The following CPO variants were observed in gnomAD, a reference collection of about 807,000 sequenced individuals.
CPO encodes metallocarboxypeptidase C.
Under a neutral mutation model 41.2 loss-of-function variants are expected in CPO, and 43 were observed. The observed-to-expected ratio is 1.04, with a 90% CI of 0.82 to 1.35. The LOEUF is 1.35. Ranked by LOEUF, CPO falls within the 40% of genes most tolerant of loss-of-function variation. The pLI is 0.00. For missense variants in CPO, 408 were observed against 451.7 expected (o/e 0.90, Z 0.88); for synonymous variants, 178 against 162.7 (o/e 1.09, Z -0.72).
At chr2:206,958,113 GGA>G (rs1693405848) in intron 3 of CPO, among the ~76,000 whole-genome samples, 186 bp from the exon 4 acceptor site, 1 of 152,184 alleles carries the variant, frequency 6.6e-6, no homozygotes, top group South Asian at 2.1e-4. Context: ...GTAACTGGCA[GGA>G]GAACAAGAGT....
intron 6 of CPO, among the ~76,000 whole-genome samples, chr2:206,961,217 TA>T (rs1459843786): frequency 6.6e-6 from 1 of 152,194 alleles, no homozygotes. Flanking sequence ...CCTTTGTTTT[TA>T]AATATATGAA....
intron 2 of CPO, among the ~76,000 whole-genome samples, chr2:206,951,647 A>T (rs1049879076): frequency 3.9e-5 from 6 of 152,240 alleles, no homozygotes; most frequent in Non-Finnish European, 8.8e-5. Context: ...GCCCATGGAC[A>T]CTTTATGACC....
At chr2:206,956,885 G>C (rs558683913) in intron 3 of CPO, among the ~76,000 whole-genome samples, 3 of 152,308 alleles carry the variant, frequency 2.0e-5, no homozygotes, top group South Asian at 4.1e-4. Context: ...ACTGGTTGAT[G>C]TATTAAGCAT....
At chr2:206,943,812 A>G (rs7597901) in intron 1 of CPO, among the ~76,000 whole-genome samples, 18,194 of 148,114 alleles carry the variant, frequency 0.12, 1,459 homozygotes, top group Middle Eastern at 0.26. Context: ...CATGATATAG[A>G]TATCAGGTTT....
chr2:206,951,330 T>C (rs529881603), intron 2 of CPO, among the ~76,000 whole-genome samples: 1 of 152,348 alleles, frequency 6.6e-6, no homozygotes, highest in African/African-American at 2.4e-5. Flanking sequence ...CAAAATTGGA[T>C]ACAGTGAAAA....
intron 2 of CPO, among the ~76,000 whole-genome samples, chr2:206,950,711 G>A (rs79979003): frequency 0.31 from 46,705 of 152,066 alleles, 8,277 homozygotes; most frequent in Non-Finnish European, 0.4. Flanking sequence ...TTAAGAAAAT[G>A]TGGCACATAT....
chr2:206,959,018 G>A (rs562713488), intron 4 of CPO, among the ~76,000 whole-genome samples: 1 of 152,152 alleles, frequency 6.6e-6, no homozygotes, highest in East Asian at 1.9e-4. Flanking sequence ...TGGGATTACA[G>A]GCATGAGCCA....
intron 1 of CPO, among the ~76,000 whole-genome samples, chr2:206,942,716 A>G (rs1201640960): frequency 1.3e-5 from 2 of 152,154 alleles, no homozygotes; most frequent in African/African-American, 2.4e-5. Flanking sequence ...GAGACTGGTG[A>G]TAATTTGGGA....
intron 2 of CPO, among the ~76,000 whole-genome samples, chr2:206,954,323 C>A (rs947399197): frequency 6.6e-6 from 1 of 152,114 alleles, no homozygotes; most frequent in African/African-American, 2.4e-5. Flanking sequence ...TCCAGATACC[C>A]TAAATTATCT....
At chr2:206,944,551 T>C (rs1464600595) in intron 1 of CPO, among the ~76,000 whole-genome samples, 1 of 152,098 alleles carries the variant, frequency 6.6e-6, no homozygotes, top group African/African-American at 2.4e-5. Context: ...TTTAATCTTC[T>C]TTTAAAATTC....
intron 6 of CPO, among the ~76,000 whole-genome samples, 176 bp downstream of exon 6, chr2:206,961,118 A>G (rs578161269): frequency 1.3e-5 from 2 of 152,352 alleles, no homozygotes; most frequent in East Asian, 3.9e-4. Context: ...AGTAAGAGCT[A>G]TCAGCATTCA....
At chr2:206,951,407 AT>A (rs2105822444) in intron 2 of CPO, among the ~76,000 whole-genome samples, 1 of 152,310 alleles carries the variant, frequency 6.6e-6, no homozygotes, top group African/African-American at 2.4e-5. Flanking sequence ...TGAGGTATAA[AT>A]TTCTAAAAAT....
chr2:206,955,433 G>T, intron 2 of CPO, 30 bp from the exon 3 acceptor site: 1 of 1,289,866 alleles, frequency 7.8e-7, no homozygotes, highest in Middle Eastern at 1.9e-4. Flanking sequence ...TCTTCCTACT[G>T]ATAGCCACAG....
chr2:206,959,099 G>C (rs1693430687), intron 4 of CPO, among the ~76,000 whole-genome samples: 1 of 152,194 alleles, frequency 6.6e-6, no homozygotes, highest in Non-Finnish European at 1.5e-5. Flanking sequence ...TGGGTCTGTA[G>C]TGTGGATTAA....
chr2:206,967,312 G>T (rs1693591613), intron 7 of CPO, among the ~76,000 whole-genome samples: 2 of 149,778 alleles, frequency 1.3e-5, no homozygotes, highest in Admixed American at 6.7e-5. Context: ...GGATGGGTAT[G>T]ACTTCCAGCT....
intron 1 of CPO, among the ~76,000 whole-genome samples, chr2:206,941,029 T>C (rs1693019527): frequency 6.6e-6 from 1 of 152,112 alleles, no homozygotes; most frequent in South Asian, 2.1e-4. Flanking sequence ...TGAAGACTCT[T>C]ACATATTTTA....
chr2:206,947,406 A>G (rs772424978), intron 1 of CPO, among the ~76,000 whole-genome samples: 6 of 152,216 alleles, frequency 3.9e-5, no homozygotes, highest in Non-Finnish European at 5.9e-5. Flanking sequence ...TTAATTCAAA[A>G]TGTATCATAG....
Position 206,939,710 on chromosome 2 carries a change from AT to A in CPO, c.68+45del. 6 of 1,537,960 alleles carry A rather than the reference AT, an allele frequency of 3.9e-6. No individual in the cohort carries two copies. In the African/African-American group the frequency reaches 6.8e-5, roughly 18 times the overall value. Reference sequence around the variant, plus strand: ...AGAGGAACTGATTATTATAATTTAGATTGTCTAAATTGAATGGTTTCTTTTT... The same window carrying A: ...AGAGGAACTGATTATTATAATTTAGATGTCTAAATTGAATGGTTTCTTTTT... On this transcript the variant is annotated intron_variant, in intron 1 of 8. Transcript: ENST00000272852.
In CPO at chr2:206,962,412, G is replaced by A. The variant is rs1185323830; in HGVS notation, c.575G>A (p.Ser192Asn). The A allele has an allele frequency of 6.2e-7, 1 of 1,613,482 alleles. No homozygotes were observed. Among genetic ancestry groups the A allele is most frequent in the Admixed American group, 1.7e-5 (1 of 60,008 alleles). The part of the protein sequence containing the change: ...LNRNFNASWC[S>N]IGASRNCQDQ... ...CTTTGTGGTTTCTTCCATATTCTAG[G>A]TATTGGTGCCTCTAGAAACTGCCAA... Residue 192 changes from serine to asparagine, a missense_variant and splice_region_variant, in exon 7 of 9, where the codon AGT becomes AAT. Transcript: ENST00000272852.
Sources: gnomAD v4.1 joint callset for allele counts (sites outside exome capture counted in the v4.1 genomes callset) on GRCh38, gnomAD v4.1.1 for gene constraint, MANE v1.5 for transcripts, NCBI Gene and HGNC (gene_info 2026-07-23, HGNC 2026-07-21) for gene names.